Variants in XKR6 observed in about 807,000 individuals in gnomAD.
XKR6 encodes the protein XK related 6.
XKR6 carries 22 observed loss-of-function variants against 56.7 expected under a neutral mutation model. The observed-to-expected ratio is 0.39, with a 90% CI of 0.28 to 0.55. The LOEUF is 0.55. XKR6 is among the 20% of genes least tolerant of loss of function. The probability of loss-of-function intolerance (pLI) is 0.66; values close to 1 mark genes in which losing one functional copy is unlikely to be tolerated. For synonymous variants in XKR6, 524 were observed against 387.8 expected (o/e 1.35, Z -4.13); for missense variants, 852 against 889.0 (o/e 0.96, Z 0.53).
At chr8:11,052,002 G>A (rs1015024429) in intron 1 of XKR6, among the ~76,000 whole-genome samples, 4 of 152,116 alleles carry the variant, frequency 2.6e-5, no homozygotes, top group African/African-American at 9.7e-5. Context: ...CTGTTGATTC[G>A]TCCTCTAAGT....
intron 1 of XKR6, among the ~76,000 whole-genome samples, chr8:10,981,201 C>A (rs968144818): frequency 6.6e-6 from 1 of 152,162 alleles, no homozygotes; most frequent in Non-Finnish European, 1.5e-5. Flanking sequence ...CAGCTGTGGC[C>A]ACTTTTCCAT....
chr8:11,093,444 T>A (rs1187706629), intron 1 of XKR6, among the ~76,000 whole-genome samples: 1 of 152,240 alleles, frequency 6.6e-6, no homozygotes, highest in African/African-American at 2.4e-5. Context: ...GAAAAACTTT[T>A]CTGCGAGCAG....
chr8:11,162,466 C>CA (rs948134600), intron 1 of XKR6, among the ~76,000 whole-genome samples: 40 of 151,916 alleles, frequency 2.6e-4, no homozygotes, highest in East Asian at 7.7e-4. Flanking sequence ...CAAAACAAAA[C>CA]AAAAAAACAA....
rs1210573365 is a variant in XKR6, at chr8:11,128,378, A to C, written c.764+72198T>G. 7.9e-5 allele frequency among the ~76,000 whole-genome samples: 12 copies of C among 152,330 alleles called. No individual in the cohort carries two copies. The East Asian group carries it at 2.3e-3, about 29-fold the overall frequency. On this transcript the variant is annotated intron_variant, in intron 1 of 2. Transcript: ENST00000416569. ...GCTTTACTATCTGTGCTGACGCTCC[A>C]GATTTTATAGGTCTCAGTCAGACCT...
At chr8:11,008,835 C>T (rs1320779880) in intron 1 of XKR6, among the ~76,000 whole-genome samples, 2 of 152,102 alleles carry the variant, frequency 1.3e-5, no homozygotes, top group Non-Finnish European at 2.9e-5. Context: ...CAGGCCCCCC[C>T]GCCCAAGGAG....
intron 1 of XKR6, among the ~76,000 whole-genome samples, chr8:11,024,852 C>A (rs1798825647): frequency 6.6e-6 from 1 of 152,228 alleles, no homozygotes; most frequent in Non-Finnish European, 1.5e-5. Flanking sequence ...AGAAGTGGAC[C>A]ATCCATCCCT....
chr8:10,936,344 C>G (rs1298174474), intron 1 of XKR6, among the ~76,000 whole-genome samples: 2 of 132,150 alleles, frequency 1.5e-5, no homozygotes, highest in African/African-American at 5.8e-5. Context: ...TGGGTCTTGA[C>G]TCTTTATCCA....
intron 1 of XKR6, among the ~76,000 whole-genome samples, chr8:10,987,926 G>T (rs890664956): frequency 1.3e-5 from 2 of 152,156 alleles, no homozygotes; most frequent in Non-Finnish European, 2.9e-5. Context: ...CCTCTCTCAG[G>T]TCTTTACTCA....
At chr8:11,176,827 T>C (rs1358105792) in intron 1 of XKR6, among the ~76,000 whole-genome samples, 1 of 152,094 alleles carries the variant, frequency 6.6e-6, no homozygotes, top group East Asian at 1.9e-4. Context: ...CTGGTGACTT[T>C]TAGGTAGCTG....
At chr8:10,991,812 T>G (rs529535599) in intron 1 of XKR6, among the ~76,000 whole-genome samples, 47 of 152,334 alleles carry the variant, frequency 3.1e-4, no homozygotes, top group Middle Eastern at 3.4e-3. Context: ...ATTTTTCTTT[T>G]TACACCTGAC....
At chr8:11,079,209 G>C (rs1038978072) in intron 1 of XKR6, among the ~76,000 whole-genome samples, 8 of 152,222 alleles carry the variant, frequency 5.3e-5, no homozygotes, top group African/African-American at 1.7e-4. Flanking sequence ...CTCTGTGTGT[G>C]TCTCCTGGCT....
At chr8:11,029,017 G>A (rs1049025002) in intron 1 of XKR6, among the ~76,000 whole-genome samples, 2 of 152,124 alleles carry the variant, frequency 1.3e-5, no homozygotes, top group African/African-American at 4.8e-5. Flanking sequence ...CATGCGCCTG[G>A]AAGTCACCCC....
chr8:10,930,455 C>T (rs1253111819), intron 1 of XKR6, among the ~76,000 whole-genome samples: 2 of 152,156 alleles, frequency 1.3e-5, no homozygotes, highest in Middle Eastern at 3.4e-3. Flanking sequence ...TTTATGAGGC[C>T]GGCATTACTC....
intron 1 of XKR6, among the ~76,000 whole-genome samples, chr8:11,169,745 C>A (rs548241327): frequency 6.6e-6 from 1 of 152,156 alleles, no homozygotes; most frequent in Non-Finnish European, 1.5e-5. Flanking sequence ...CTACCTCATG[C>A]CAGTGAACTG....
chr8:11,015,281 C>G (rs1372379041), intron 1 of XKR6, among the ~76,000 whole-genome samples: 3 of 151,816 alleles, frequency 2.0e-5, no homozygotes, highest in African/African-American at 7.3e-5. Context: ...TCATGCTGCA[C>G]TTTTATTTTT....
chr8:11,158,537 A>G (rs1801637650), intron 1 of XKR6, among the ~76,000 whole-genome samples: 1 of 152,182 alleles, frequency 6.6e-6, no homozygotes, highest in Non-Finnish European at 1.5e-5. Context: ...ACAATTATGG[A>G]GCAACTAAAA....
chr8:11,134,348 G>C (rs1042139907), intron 1 of XKR6, among the ~76,000 whole-genome samples: 8 of 152,112 alleles, frequency 5.3e-5, no homozygotes, highest in Admixed American at 3.3e-4. Context: ...CTTTGGCCAA[G>C]ATTAACAAAA....
intron 1 of XKR6, chr8:11,062,658 T>C (rs1799865015): frequency 9.2e-6 from 4 of 436,474 alleles, no homozygotes; most frequent in African/African-American, 4.1e-5. Flanking sequence ...ATAGTAAACA[T>C]AATTACTCTT....
rs117133059 is a variant in XKR6, at chr8:11,139,965, C to A, written c.764+60611G>T. ...ATACAAGCCATGAACGAAGGTAAGC[C>A]AGAATGATTTCCTTTTTAAAGTTCA... is the stretch of plus-strand genomic sequence containing the variant. On this transcript the variant is annotated intron_variant, in intron 1 of 2. Transcript: ENST00000416569. 1.3e-3 allele frequency among the ~76,000 whole-genome samples: 193 copies of A among 152,162 alleles called. 2 individuals carry two copies. The highest frequency in any genetic ancestry group is 2.1e-3 in the Non-Finnish European group (146 of 67,996).
Sources: gnomAD v4.1 joint callset for allele counts (sites outside exome capture counted in the v4.1 genomes callset) on GRCh38, gnomAD v4.1.1 for gene constraint, MANE v1.5 for transcripts, NCBI Gene and HGNC (gene_info 2026-07-23, HGNC 2026-07-21) for gene names.